ATG5: variants seen among roughly 807,000 people sequenced by gnomAD.
The protein encoded by ATG5 is autophagy related 5.
ATG5 carries 14 observed loss-of-function variants against 36.5 expected under a neutral mutation model. The observed-to-expected ratio is 0.38, with a 90% confidence interval of 0.25 to 0.60. The LOEUF (loss-of-function observed/expected upper bound fraction) is 0.60, where lower values mean the gene tolerates loss of function less well. ATG5 is among the 20% of genes least tolerant of loss of function. The pLI is 0.60. For missense variants in ATG5, 195 were observed against 326.7 expected (o/e 0.60, Z 3.11); for synonymous variants, 95 against 101.5 (o/e 0.94, Z 0.38).
chr6:106,235,862 T>G (rs1018224567), intron 6 of ATG5, among the ~76,000 whole-genome samples: 1 of 151,978 alleles, frequency 6.6e-6, no homozygotes. Context: ...ATAAAAGGAA[T>G]ACATTTTAAG....
At chr6:106,258,763 C>G (rs1778898189) in intron 5 of ATG5, among the ~76,000 whole-genome samples, 1 of 152,148 alleles carries the variant, frequency 6.6e-6, no homozygotes, top group Non-Finnish European at 1.5e-5. Flanking sequence ...TGACTGAGAT[C>G]TGGGAAACTA....
intron 6 of ATG5, among the ~76,000 whole-genome samples, chr6:106,218,340 A>T (rs1261015937): frequency 6.6e-6 from 1 of 152,206 alleles, no homozygotes; most frequent in Non-Finnish European, 1.5e-5. Flanking sequence ...AAGGCTCCAA[A>T]AGCAGCAGCC....
chr6:106,211,685 G>A (rs1458976334), intron 6 of ATG5, among the ~76,000 whole-genome samples: 2 of 152,328 alleles, frequency 1.3e-5, no homozygotes, highest in African/African-American at 4.8e-5. Flanking sequence ...ACTCCAGCCT[G>A]GGCAACAGAG....
intron 6 of ATG5, among the ~76,000 whole-genome samples, chr6:106,243,802 G>A (rs1404603683): frequency 3.3e-5 from 5 of 151,252 alleles, no homozygotes; most frequent in Admixed American, 2.0e-4. Flanking sequence ...GTGCACTCCA[G>A]CCTGGGCGAC....
intron 4 of ATG5, among the ~76,000 whole-genome samples, chr6:106,288,833 TCA>T (rs1333096793): frequency 6.6e-6 from 1 of 152,146 alleles, no homozygotes; most frequent in Non-Finnish European, 1.5e-5. Context: ...CCTATACAAA[TCA>T]CAAACATCAA....
chr6:106,199,815 G>C (rs990212708), intron 7 of ATG5, among the ~76,000 whole-genome samples: 10 of 151,764 alleles, frequency 6.6e-5, no homozygotes, highest in African/African-American at 1.9e-4. Context: ...GGTAATGATA[G>C]AAAGAATTCA....
At chr6:106,192,592 AT>A (rs1187989634) in intron 7 of ATG5, among the ~76,000 whole-genome samples, 2 of 152,182 alleles carry the variant, frequency 1.3e-5, no homozygotes, top group Non-Finnish European at 1.5e-5. Context: ...AGTTTAATTA[AT>A]TTTTTAAAAG....
intron 6 of ATG5, among the ~76,000 whole-genome samples, chr6:106,207,109 G>C (rs1364747120): frequency 6.6e-6 from 1 of 152,180 alleles, no homozygotes; most frequent in Non-Finnish European, 1.5e-5. Flanking sequence ...ATAACATGAT[G>C]TAAGTCACCT....
intron 6 of ATG5, among the ~76,000 whole-genome samples, chr6:106,217,074 A>G (rs1419280113): frequency 6.6e-6 from 1 of 152,100 alleles, no homozygotes; most frequent in Non-Finnish European, 1.5e-5. Flanking sequence ...TGTTTTATGC[A>G]TTTTGTGGGT....
intron 6 of ATG5, among the ~76,000 whole-genome samples, chr6:106,245,913 G>A (rs778152595): frequency 2.0e-5 from 3 of 152,066 alleles, no homozygotes; most frequent in Non-Finnish European, 4.4e-5. Context: ...GAAATCTGAT[G>A]TTGCCTTTAG....
chr6:106,270,783 T>C (rs553481700), intron 5 of ATG5, among the ~76,000 whole-genome samples: 35 of 152,318 alleles, frequency 2.3e-4, no homozygotes, highest in Non-Finnish European at 2.9e-4. Context: ...TCTCATTATC[T>C]AATATTTCAT....
chr6:106,227,037 C>T (rs1777479260), intron 6 of ATG5, among the ~76,000 whole-genome samples: 1 of 151,990 alleles, frequency 6.6e-6, no homozygotes, highest in Non-Finnish European at 1.5e-5. Context: ...GTCAGAGTAT[C>T]TGAAAAAATA....
At chr6:106,221,721 T>C (rs1326241205) in intron 6 of ATG5, among the ~76,000 whole-genome samples, 2 of 127,666 alleles carry the variant, frequency 1.6e-5, no homozygotes, top group African/African-American at 5.9e-5. Context: ...GAAAAAAAAA[T>C]CAAAACTGAT....
chr6:106,244,666 C>T (rs1778261132), intron 6 of ATG5, among the ~76,000 whole-genome samples: 1 of 152,178 alleles, frequency 6.6e-6, no homozygotes, highest in Non-Finnish European at 1.5e-5. Flanking sequence ...TATTTGTATT[C>T]TTAGTTGATT....
At position 106,192,820 on chromosome 6, in the gene ATG5, C is replaced by T. The variant is rs185090052; in HGVS notation, c.692-6144G>A. Among the ~76,000 whole-genome samples the T allele has an allele frequency of 3.9e-5, 6 of 152,292 alleles. No homozygotes were observed. In the East Asian group the frequency reaches 5.8e-4, roughly 15 times the overall value. ...GACGAGCTTTCTGATTACCACTAGC[C>T]TGAACAATTTTGTTCTGTCTGACAA... On this transcript the variant is annotated intron_variant, in intron 7 of 7. Coordinates refer to ENST00000369076, the MANE Select transcript of ATG5 (RefSeq NM_004849.4).
At chr6:106,292,754 GCCA>G (rs1470375373) in intron 4 of ATG5, among the ~76,000 whole-genome samples, 3 of 152,150 alleles carry the variant, frequency 2.0e-5, no homozygotes, top group African/African-American at 7.2e-5. Flanking sequence ...ACAGGCGTGA[GCCA>G]CCAAGGCTGG....
intron 5 of ATG5, among the ~76,000 whole-genome samples, chr6:106,252,911 GA>G (rs1778655697): frequency 6.6e-6 from 1 of 152,186 alleles, no homozygotes; most frequent in African/African-American, 2.4e-5. Context: ...TCTTTGGAAG[GA>G]AAAGCAAATG....
At chr6:106,212,258 A>G (rs890339683) in intron 6 of ATG5, among the ~76,000 whole-genome samples, 10 of 152,344 alleles carry the variant, frequency 6.6e-5, no homozygotes, top group Middle Eastern at 3.4e-3. Flanking sequence ...TTTTAGAAAA[A>G]CTAGATTTTA....
intron 7 of ATG5, among the ~76,000 whole-genome samples, chr6:106,189,471 T>G (rs1358435518): frequency 1.3e-5 from 2 of 151,704 alleles, no homozygotes; most frequent in Non-Finnish European, 2.9e-5. Flanking sequence ...AAAGATTAGC[T>G]TTAGCTGGGC....
Sources: gnomAD v4.1 joint callset for allele counts (sites outside exome capture counted in the v4.1 genomes callset) on GRCh38, gnomAD v4.1.1 for gene constraint, MANE v1.5 for transcripts, NCBI Gene and HGNC (gene_info 2026-07-23, HGNC 2026-07-21) for gene names.